Variants in ADAMTS12 observed in about 807,000 individuals in gnomAD.
ADAMTS12 encodes ADAM metallopeptidase with thrombospondin type 1 motif 12.
A neutral mutation model predicts 167.8 loss-of-function variants in ADAMTS12; 118 were observed. The observed-to-expected ratio is 0.70, with a 90% CI of 0.61 to 0.82. The LOEUF is 0.82. ADAMTS12 is among the 40% of genes least tolerant of loss of function. The pLI is 0.00. For synonymous variants in ADAMTS12, 704 were observed against 716.9 expected (o/e 0.98, Z 0.29); for missense variants, 1,916 against 1,998.8 (o/e 0.96, Z 0.79).
At chr5:33,813,000 C>A (rs2112490255) in intron 2 of ADAMTS12, among the ~76,000 whole-genome samples, 1 of 152,288 alleles carries the variant, frequency 6.6e-6, no homozygotes, top group South Asian at 2.1e-4. Context: ...AAGCAAAAGT[C>A]AAACACAAAA....
intron 5 of ADAMTS12, among the ~76,000 whole-genome samples, chr5:33,675,537 C>T (rs1261060710): frequency 6.6e-6 from 1 of 152,190 alleles, no homozygotes; most frequent in Admixed American, 6.5e-5. Context: ...TTGCTTTCTT[C>T]CTATTCCTAT....
In ADAMTS12 at chr5:33,649,621, G is replaced by A. The variant is rs2112192757; in HGVS notation, c.1267C>T (p.Leu423Phe). ...GTCAGCGGAGTGGGATCGTACTGGA[G>A]CTGGCGGGACATGATGTACGGATGT... ...GRHPYIMSRQ[L>F]QYDPTPLTWS... is the part of the protein sequence containing the mutation. Residue 423 changes from leucine (L) to phenylalanine (F), a missense_variant, in exon 8 of 24, where the codon CTC becomes TTC. Transcript: ENST00000504830. 1 of 1,614,078 alleles carries A rather than the reference G, an allele frequency of 6.2e-7. No individual in the cohort carries two copies. The highest frequency in any genetic ancestry group is 2.2e-5 in the East Asian group (1 of 44,872).
chr5:33,810,442 A>G (rs1407962443), intron 2 of ADAMTS12, among the ~76,000 whole-genome samples: 2 of 152,172 alleles, frequency 1.3e-5, no homozygotes, highest in African/African-American at 4.8e-5. Flanking sequence ...CCATGCAAAA[A>G]GCTTTTTTGG....
chr5:33,676,244 C>T (rs539741232), intron 5 of ADAMTS12, among the ~76,000 whole-genome samples: 3 of 152,290 alleles, frequency 2.0e-5, no homozygotes, highest in South Asian at 4.1e-4. Context: ...AAATTGTTCT[C>T]GCTCTTTGTA....
At chr5:33,615,012 T>C (rs1389004870) in intron 15 of ADAMTS12, among the ~76,000 whole-genome samples, 1 of 152,196 alleles carries the variant, frequency 6.6e-6, no homozygotes, top group African/African-American at 2.4e-5. Flanking sequence ...GACTTTAACT[T>C]AGGTATGCTG....
In ADAMTS12 at chr5:33,595,971, T is replaced by C; in HGVS notation, c.2617A>G (p.Arg873Gly). 6.2e-7 allele frequency: 1 copy of C among 1,614,106 alleles called. No homozygotes were observed. The highest frequency in any genetic ancestry group is 8.5e-7 in the Non-Finnish European group (1 of 1,179,970). ...FCDPETQPNGRQKKCHEKACP... is the reference protein window; with the variant it reads ...FCDPETQPNGGQKKCHEKACP... ...GCCTTTTCATGGCACTTCTTCTGTC[T>C]CCCATTGGGCTGTGTTTCTGGGTCA... Residue 873 changes from arginine to glycine, a missense_variant, in exon 17 of 24, where the codon AGA (arginine) becomes GGA (glycine). Coordinates refer to ENST00000504830, the MANE Select transcript of ADAMTS12 (RefSeq NM_030955.4).
chr5:33,548,512 T>A (rs975775176), intron 21 of ADAMTS12, among the ~76,000 whole-genome samples: 1 of 152,182 alleles, frequency 6.6e-6, no homozygotes, highest in African/African-American at 2.4e-5. Flanking sequence ...CTTTTATTTT[T>A]ATTTTTTGGC....
At chr5:33,688,437 T>G (rs1742428443) in intron 3 of ADAMTS12, among the ~76,000 whole-genome samples, 1 of 122,162 alleles carries the variant, frequency 8.2e-6, no homozygotes, top group African/African-American at 3.1e-5. Flanking sequence ...ACCTGACCAC[T>G]AACAGAACAG....
At position 33,642,849 on chromosome 5, in the gene ADAMTS12, T is replaced by C. The variant is rs114102312; in HGVS notation, c.1572+529A>G. ...AAAGATGCCCACAAAACATGTAAGC[T>C]CTAGGCCCACAAGGAACCCAGCCTA... On this transcript the variant is annotated intron_variant, in intron 10 of 23. Transcript: ENST00000504830. Among the ~76,000 whole-genome samples the C allele has an allele frequency of 4.0e-3, 616 of 152,234 alleles. 4 individuals are homozygous for C. The highest frequency in any genetic ancestry group is 0.014 in the Middle Eastern group (4 of 294).
At chr5:33,809,436 T>C (rs1369960973) in intron 2 of ADAMTS12, among the ~76,000 whole-genome samples, 1 of 152,130 alleles carries the variant, frequency 6.6e-6, no homozygotes, top group Non-Finnish European at 1.5e-5. Flanking sequence ...AGTCTAATAT[T>C]TGTTTTTAAG....
At chr5:33,689,565 AC>A (rs1472177662) in intron 3 of ADAMTS12, among the ~76,000 whole-genome samples, 4 of 152,150 alleles carry the variant, frequency 2.6e-5, no homozygotes, top group African/African-American at 9.7e-5. Flanking sequence ...ATTTCTGGAG[AC>A]AATATCCTGC....
intron 2 of ADAMTS12, 75 bp downstream of exon 2, chr5:33,881,044 C>A: frequency 3.2e-6 from 5 of 1,552,468 alleles, no homozygotes; most frequent in South Asian, 1.2e-5. Context: ...ATCTGTGAAC[C>A]TGTTGGTAGT....
intron 3 of ADAMTS12, among the ~76,000 whole-genome samples, chr5:33,704,912 T>C (rs1039349214): frequency 2.1e-5 from 3 of 144,510 alleles, no homozygotes; most frequent in African/African-American, 8.8e-5. Context: ...CATTTCCCAG[T>C]CCAATGTTTA....
chr5:33,643,387 A>G lies in ADAMTS12; in HGVS notation c.1563T>C (p.Gly521=), dbSNP rs149334172. Residue 521 remains glycine, a synonymous_variant, in exon 10 of 24, where the codon GGT becomes GGC. Transcript: ENST00000504830. ...LDAAADGTQC[G]EKKWCMAGKC... is the part of the protein sequence containing the mutation. ...CGGCCTGACGCATCACCTTCTTCTC[A>G]CCACATTGAGTTCCATCTGCAGCAG... 7.4e-6 allele frequency: 12 copies of G among 1,614,044 alleles called. No homozygotes were observed. Among genetic ancestry groups the G allele is most frequent in the Non-Finnish European group, 9.3e-6 (11 of 1,179,958 alleles).
At chr5:33,670,205 A>G (rs1359869786) in intron 5 of ADAMTS12, among the ~76,000 whole-genome samples, 1 of 152,154 alleles carries the variant, frequency 6.6e-6, no homozygotes, top group Non-Finnish European at 1.5e-5. Context: ...ACACGTCACC[A>G]AGGAGGATAT....
chr5:33,534,503 T>G (rs976969388), intron 23 of ADAMTS12, among the ~76,000 whole-genome samples: 9 of 152,158 alleles, frequency 5.9e-5, no homozygotes, highest in Non-Finnish European at 1.5e-5. Flanking sequence ...GGCTGGGATA[T>G]CTCTCAAGAC....
At chr5:33,651,077 G>C (rs114678592) in intron 7 of ADAMTS12, among the ~76,000 whole-genome samples, 1,603 of 152,252 alleles carry the variant, frequency 0.011, 26 homozygotes, top group African/African-American at 0.037. Flanking sequence ...TCACAAAGGA[G>C]TCAGAGAATC....
chr5:33,859,140 G>A (rs527916077), intron 2 of ADAMTS12, among the ~76,000 whole-genome samples: 24 of 152,310 alleles, frequency 1.6e-4, no homozygotes, highest in African/African-American at 5.8e-4. Flanking sequence ...AGTGGCACCT[G>A]GAATGCCAGC....
At chr5:33,850,047 T>C (rs943610963) in intron 2 of ADAMTS12, among the ~76,000 whole-genome samples, 1 of 152,142 alleles carries the variant, frequency 6.6e-6, no homozygotes, top group African/African-American at 2.4e-5. Flanking sequence ...AAACGTATTA[T>C]AAAACGAAGG....
Sources: gnomAD v4.1 joint callset for allele counts (sites outside exome capture counted in the v4.1 genomes callset) on GRCh38, gnomAD v4.1.1 for gene constraint, MANE v1.5 for transcripts, NCBI Gene and HGNC (gene_info 2026-07-23, HGNC 2026-07-21) for gene names.